JAK1: variants seen among roughly 807,000 people sequenced by gnomAD.
JAK1 encodes Janus kinase 1.
Under a neutral mutation model 136.6 loss-of-function variants are expected in JAK1, and 16 were observed. The ratio of observed to expected loss-of-function variants is 0.12; its 90% CI spans 0.08 to 0.18. The LOEUF is 0.18. JAK1 is among the 10% of genes least tolerant of loss of function. The pLI, the probability that JAK1 is intolerant of heterozygous loss-of-function variation, is 1.00. For synonymous variants in JAK1, 492 were observed against 519.5 expected (o/e 0.95, Z 0.72); for missense variants, 859 against 1,450.1 (o/e 0.59, Z 6.62).
At chr1:64,969,359 T>C (rs1350379260), upstream of JAK1, among the ~76,000 whole-genome samples, 1 of 152,018 alleles carries the variant, frequency 6.6e-6, no homozygotes, top group Non-Finnish European at 1.5e-5. Flanking sequence ...CTCTGACCTC[T>C]GACTACTAGG....
rs1644833965 is a variant in JAK1 at position 64,885,241 on chromosome 1, G to C, written c.6+1018C>G. Among the ~76,000 whole-genome samples, 4 of 152,100 alleles carry C rather than the reference G, an allele frequency of 2.6e-5. No individual in the cohort carries two copies. The South Asian group carries it at 8.3e-4, about 31-fold the overall frequency. On this transcript the variant is annotated intron_variant, in intron 2 of 24. Coordinates refer to ENST00000342505, the MANE Select transcript of JAK1 (RefSeq NM_002227.4). ...ACAAGCAAGACCACTTGAAAACCCA[G>C]CACTGAACCCCTAACCCCATCCCAC...
intron 1 of JAK1, among the ~76,000 whole-genome samples, chr1:64,944,929 T>C (rs1645957440): frequency 6.6e-6 from 1 of 151,984 alleles, no homozygotes; most frequent in South Asian, 2.1e-4. Context: ...CAGCCAATAC[T>C]GCTTTAATGC....
chr1:65,015,798 C>A (rs1427501163), intron 2 of JAK1, among the ~76,000 whole-genome samples: 3 of 152,084 alleles, frequency 2.0e-5, no homozygotes, highest in African/African-American at 7.2e-5. Context: ...CCTCAAAAAG[C>A]TAAAAATAGC....
intron 1 of JAK1, among the ~76,000 whole-genome samples, chr1:64,928,795 A>AAAAAAAAAAAAAAAAAAAAAAAT (rs1645634637): frequency 8.1e-6 from 1 of 123,740 alleles, no homozygotes; most frequent in Non-Finnish European, 1.6e-5. Context: ...AAAAAAAAAA[A>AAAAAAAAAAAAAAAAAAAAAAAT]ACAAAAAAAA....
chr1:64,919,625 T>C (rs535037480), intron 1 of JAK1, among the ~76,000 whole-genome samples: 1 of 152,284 alleles, frequency 6.6e-6, no homozygotes, highest in Non-Finnish European at 1.5e-5. Context: ...TAGTTTAGTC[T>C]CACCAACAGT....
chr1:64,977,847 C>T (rs1250548113), intron 2 of JAK1, among the ~76,000 whole-genome samples: 1 of 151,150 alleles, frequency 6.6e-6, no homozygotes, highest in Non-Finnish European at 1.5e-5. Flanking sequence ...TCCTGGCTTC[C>T]CTACTGTGGG....
At position 65,030,625 on chromosome 1, in the gene JAK1, C is replaced by T. The variant is rs145728574; in HGVS notation, c.-78+13855G>A. Reference sequence around the variant, plus strand: ...TCTGCTCACTGCAACCTCCACCTCCCGGGTTCAAGTGATTCTCCTGCCTCA... The same window carrying T: ...TCTGCTCACTGCAACCTCCACCTCCTGGGTTCAAGTGATTCTCCTGCCTCA... On this transcript the variant is annotated intron_variant, in intron 2 of 25. Transcript: ENST00000671954. Among the ~76,000 whole-genome samples the T allele has an allele frequency of 7.0e-3, 1,058 of 151,986 alleles. 6 individuals are homozygous for T. Among genetic ancestry groups the T allele is most frequent in the African/African-American group, 0.025 (1,020 of 41,464 alleles).
intron 1 of JAK1, among the ~76,000 whole-genome samples, chr1:64,888,271 TC>T (rs1644882559): frequency 6.6e-6 from 1 of 152,230 alleles, no homozygotes; most frequent in South Asian, 2.1e-4. Context: ...AACCTCTGCC[TC>T]CCAGATTCAA....
chr1:64,890,248 A>ATTT (rs59278279), intron 1 of JAK1, among the ~76,000 whole-genome samples: 7 of 148,830 alleles, frequency 4.7e-5, no homozygotes, highest in Admixed American at 4.0e-4. Context: ...GAAGATCAGG[A>ATTT]TTTTTTTTTT....
rs915486582 is a variant in JAK1 at position 64,857,797 on chromosome 1, C to A, written c.1335-18G>T. 6.2e-7 allele frequency: 1 copy of A among 1,613,602 alleles called. No individual in the cohort carries two copies. The highest frequency in any genetic ancestry group is 1.3e-5 in the African/African-American group (1 of 74,926). ...ATTCTGTACTAGAGGGAGAAGTAGG[C>A]AAAGGGAGAAAGAGCTCACACCAAA... is the stretch of plus-strand genomic sequence containing the variant. On this transcript the variant is annotated intron_variant, in intron 9 of 24. Transcript: ENST00000342505.
intron 9 of JAK1, among the ~76,000 whole-genome samples, chr1:64,858,873 A>T (rs530062911): frequency 6.6e-6 from 1 of 152,324 alleles, no homozygotes; most frequent in Admixed American, 6.5e-5. Flanking sequence ...AAGGTGGTCA[A>T]GGAAGACTTC....
chr1:64,947,782 C>T (rs1038032587), intron 1 of JAK1, among the ~76,000 whole-genome samples: 7 of 151,848 alleles, frequency 4.6e-5, no homozygotes, highest in Admixed American at 6.6e-5. Flanking sequence ...GTACACAAGT[C>T]CAAAATTTAG....
chr1:64,902,583 A>AGAGAGTGTGGAGTGTGTGT, intron 1 of JAK1, among the ~76,000 whole-genome samples: 1 of 73,758 alleles, frequency 1.4e-5, no homozygotes, highest in Non-Finnish European at 2.4e-5. Context: ...AGAGAGAGAG[A>AGAGAGTGTGGAGTGTGTGT]GTGTGTGTGT....
At position 64,928,798 on chromosome 1, in the gene JAK1, A is replaced by AAAAAC. The variant is rs1553170044; in HGVS notation, c.-78+37534_-78+37535insGTTTT. Among the ~76,000 whole-genome samples, 10 of 90,012 alleles carry AAAAAC rather than the reference A, an allele frequency of 1.1e-4. No homozygotes were observed. The East Asian group carries it at 6.3e-3, about 57-fold the overall frequency. The allele number at this position is 90,012 out of a possible 152,430, so 59.1% of individuals were successfully genotyped here. Reference sequence around the variant, plus strand: ...CTCTGCAAAAAAAAAAAAAAAAAACAAAAAAAAAAAACTCTGCAAAAAAAG... The same window carrying AAAAAC: ...CTCTGCAAAAAAAAAAAAAAAAAACAAAAACAAAAAAAAAAACTCTGCAAAAAAAG... On this transcript the variant is annotated intron_variant, in intron 1 of 24. Transcript: ENST00000342505.
At chr1:64,944,274 A>G (rs1186595394) in intron 1 of JAK1, among the ~76,000 whole-genome samples, 1 of 151,956 alleles carries the variant, frequency 6.6e-6, no homozygotes, top group Non-Finnish European at 1.5e-5. Flanking sequence ...AAATATCTAC[A>G]GAGTAAAAGA....
Position 64,860,337 on chromosome 1 carries a change from G to A in JAK1, c.1177-75C>T, listed in dbSNP as rs1384237777. On this transcript the variant is annotated intron_variant, in intron 8 of 24. Coordinates refer to ENST00000342505, the MANE Select transcript of JAK1 (RefSeq NM_002227.4). ...TAAGTGGCTGACTCTGTAGGGAGGT[G>A]CACAGTGAGAAGATTTTTATAACCC... 7 of 1,260,834 alleles carry A rather than the reference G, an allele frequency of 5.6e-6. No homozygotes were observed. The African/African-American group carries it at 1.1e-4, about 19-fold the overall frequency. The allele number at this position is 1,260,834 out of a possible 1,614,324, so 78.1% of individuals were successfully genotyped here.
chr1:64,914,764 A>G (rs999439151), intron 1 of JAK1, among the ~76,000 whole-genome samples: 3 of 152,166 alleles, frequency 2.0e-5, no homozygotes, highest in Non-Finnish European at 4.4e-5. Context: ...GGGTTTCACC[A>G]TGTTGGCCAG....
Position 64,838,100 on chromosome 1 carries a change from A to G in JAK1, c.2972T>C (p.Met991Thr). The stretch of plus-strand genomic sequence containing the variant: ...GTATTGCCGAGAACCCAAATAGTCC[A>G]TCCCCTGAGAGAGAGAAGTAAAAGT... The part of the protein sequence containing the change: ...LKYAVQICKG[M>T]DYLGSRQYVH... The change falls in exon 22 of 25, where the codon ATG becomes ACG. Residue 991 changes from methionine to threonine, a missense_variant. By Grantham distance (81) the Met-to-Thr change is moderately conservative (BLOSUM62 -1). Transcript: ENST00000342505. The G allele has an allele frequency of 6.2e-7, 1 of 1,613,210 alleles. No homozygotes were observed. Among genetic ancestry groups the G allele is most frequent in the Non-Finnish European group, 8.5e-7 (1 of 1,179,300 alleles).
At chr1:64,868,026 G>C (rs1656816352) in intron 6 of JAK1, among the ~76,000 whole-genome samples, 1 of 136,394 alleles carries the variant, frequency 7.3e-6, no homozygotes, top group African/African-American at 2.5e-5. Flanking sequence ...GAGAGAGAGA[G>C]AGTGAGAGAG....
Sources: gnomAD v4.1 joint callset for allele counts (sites outside exome capture counted in the v4.1 genomes callset) on GRCh38, gnomAD v4.1.1 for gene constraint, MANE v1.5 for transcripts, NCBI Gene and HGNC (gene_info 2026-07-23, HGNC 2026-07-21) for gene names.